GRIA1: variants seen among roughly 807,000 people sequenced by gnomAD.
GRIA1 encodes the protein glutamate ionotropic receptor AMPA type subunit 1, also known as glutamate receptor 1.
Under a neutral mutation model 99.2 loss-of-function variants are expected in GRIA1, and 31 were observed. That is an observed-to-expected ratio of 0.31 (90% confidence interval 0.23 to 0.42). The LOEUF (loss-of-function observed/expected upper bound fraction) is 0.42, where lower values mean the gene tolerates loss of function less well. Ranked by LOEUF, GRIA1 falls within the 10% of genes least tolerant of loss-of-function variation. The pLI, the probability that GRIA1 is intolerant of heterozygous loss-of-function variation, is 1.00. For missense variants in GRIA1, 782 were observed against 1,157.5 expected, an observed-to-expected ratio of 0.68 and a Z score of 4.71; for synonymous variants, 438 against 432.4, an observed-to-expected ratio of 1.01 and a Z score of -0.16.
At chr5:153,590,138 G>A (rs1474866351) in intron 2 of GRIA1, among the ~76,000 whole-genome samples, 1 of 152,158 alleles carries the variant, frequency 6.6e-6, no homozygotes, top group Non-Finnish European at 1.5e-5. Flanking sequence ...ACATTTTCAA[G>A]TATCATTATA....
intron 11 of GRIA1, among the ~76,000 whole-genome samples, chr5:153,733,549 A>G (rs1561811937): frequency 4.6e-5 from 7 of 152,202 alleles, no homozygotes; most frequent in Admixed American, 2.0e-4. Flanking sequence ...AAATTATCCA[A>G]TAAAAAGATA....
chr5:153,729,627 G>T (rs1760864567), intron 11 of GRIA1, among the ~76,000 whole-genome samples: 1 of 151,852 alleles, frequency 6.6e-6, no homozygotes, highest in Non-Finnish European at 1.5e-5. Context: ...GCAAAATTGG[G>T]TTACATTTCA....
chr5:153,580,682 A>ATAT (rs147025402), intron 2 of GRIA1, among the ~76,000 whole-genome samples: 1 of 152,292 alleles, frequency 6.6e-6, no homozygotes, highest in African/African-American at 2.4e-5. Flanking sequence ...CATCTCATTA[A>ATAT]TATTACACTC....
chr5:153,563,382 T>C (rs1761327553), intron 2 of GRIA1, among the ~76,000 whole-genome samples: 1 of 152,178 alleles, frequency 6.6e-6, no homozygotes, highest in Admixed American at 6.5e-5. Flanking sequence ...ACCAATTGTT[T>C]CGTTCTCTAA....
At chr5:153,678,346 G>T (rs751598233) in intron 7 of GRIA1, among the ~76,000 whole-genome samples, 1 of 152,202 alleles carries the variant, frequency 6.6e-6, no homozygotes, top group Non-Finnish European at 1.5e-5. Context: ...GCCCTGATGA[G>T]TGCCTTTCTG....
intron 5 of GRIA1, among the ~76,000 whole-genome samples, chr5:153,672,862 C>T (rs1436393062): frequency 2.0e-5 from 3 of 152,190 alleles, no homozygotes; most frequent in Admixed American, 6.5e-5. Context: ...AAGGGAATTG[C>T]CTGTATGATC....
chr5:153,760,953 G>A (rs1030036054), intron 11 of GRIA1, among the ~76,000 whole-genome samples: 1 of 152,084 alleles, frequency 6.6e-6, no homozygotes, highest in African/African-American at 2.4e-5. Context: ...TCAATAAATG[G>A]TGCTGGGAAA....
chr5:153,494,860 A>G (rs1343407812), intron 2 of GRIA1, among the ~76,000 whole-genome samples: 1 of 152,234 alleles, frequency 6.6e-6, no homozygotes, highest in East Asian at 1.9e-4. Flanking sequence ...AGCTCAAGTA[A>G]AAATTTATGG....
At chr5:153,644,253 A>G (rs1753975424) in intron 2 of GRIA1, among the ~76,000 whole-genome samples, 1 of 152,198 alleles carries the variant, frequency 6.6e-6, no homozygotes, top group Non-Finnish European at 1.5e-5. Flanking sequence ...TAGTTATTAT[A>G]ATAGACATTT....
intron 2 of GRIA1, among the ~76,000 whole-genome samples, chr5:153,645,253 A>G (rs10079274): frequency 1.3e-5 from 2 of 152,098 alleles, no homozygotes; most frequent in Non-Finnish European, 2.9e-5. Context: ...GTTAATGATC[A>G]CCTGCCAGGT....
intron 11 of GRIA1, among the ~76,000 whole-genome samples, chr5:153,720,012 A>AT (rs1404965477): frequency 6.6e-6 from 1 of 152,162 alleles, no homozygotes; most frequent in African/African-American, 2.4e-5. Flanking sequence ...GTGTTTATTA[A>AT]TTTTTTGTGT....
intron 11 of GRIA1, among the ~76,000 whole-genome samples, chr5:153,754,879 G>A (rs1040856180): frequency 2.6e-5 from 4 of 152,098 alleles, no homozygotes; most frequent in South Asian, 4.1e-4. Flanking sequence ...ATGGTGTAAG[G>A]GAAAAAAGAC....
At position 153,555,116 on chromosome 5, in the gene GRIA1, T is replaced by A. The variant is rs72800776; in HGVS notation, c.220+61051T>A. ...CAGCAGCCTGGAATTTATCATAATGTACATGTCACAGGAGGATATGAAATA... is the reference window on the plus strand; with the variant it reads ...CAGCAGCCTGGAATTTATCATAATGAACATGTCACAGGAGGATATGAAATA... On this transcript the variant is annotated intron_variant, in intron 2 of 15. Transcript: ENST00000285900. Among the ~76,000 whole-genome samples, 540 of 152,238 alleles carry A rather than the reference T, an allele frequency of 3.5e-3. 2 individuals carry two copies. Among genetic ancestry groups the A allele is most frequent in the Admixed American group, 5.4e-3 (83 of 15,286 alleles).
chr5:153,669,369 T>C (rs1430737731), intron 5 of GRIA1, among the ~76,000 whole-genome samples: 1 of 152,242 alleles, frequency 6.6e-6, no homozygotes, highest in East Asian at 1.9e-4. Flanking sequence ...TTTTTGTTCT[T>C]ATAAGCAATG....
At chr5:153,654,460 G>A (rs1754791866) in intron 4 of GRIA1, among the ~76,000 whole-genome samples, 1 of 152,010 alleles carries the variant, frequency 6.6e-6, no homozygotes, top group Non-Finnish European at 1.5e-5. Flanking sequence ...TCTTGATAAA[G>A]GTGTCTCATT....
intron 13 of GRIA1, among the ~76,000 whole-genome samples, chr5:153,771,652 A>G (rs1763891527): frequency 6.6e-6 from 1 of 152,242 alleles, no homozygotes; most frequent in Admixed American, 6.5e-5. Flanking sequence ...TAGCAGAACA[A>G]AATTCTCACT....
intron 2 of GRIA1, among the ~76,000 whole-genome samples, chr5:153,577,154 T>A (rs13156071): frequency 8.8e-4 from 105 of 119,912 alleles, no homozygotes; most frequent in South Asian, 1.5e-3. Context: ...GGATGGATGG[T>A]TGGATGGATG....
rs1766867772 is a variant in GRIA1 at position 153,812,266 on chromosome 5, C to T, written c.*1041C>T. On this transcript the variant is annotated 3_prime_UTR_variant, in exon 16 of 16. Transcript: ENST00000285900. The stretch of plus-strand genomic sequence containing the variant: ...CTCTCTTCTTCTATGGAGCCTCTGA[C>T]ATGGGGAGCAATGCTAAGCAAGCTA... 1 of 152,054 alleles carries T rather than the reference C, an allele frequency of 6.6e-6. No homozygotes were observed. The highest frequency in any genetic ancestry group is 2.4e-5 in the African/African-American group (1 of 41,390). The allele number at this position is 152,054 out of a possible 1,614,324, so 9.4% of individuals were successfully genotyped here.
intron 2 of GRIA1, among the ~76,000 whole-genome samples, chr5:153,561,182 C>T (rs1321336969): frequency 2.0e-5 from 3 of 152,188 alleles, no homozygotes; most frequent in Non-Finnish European, 4.4e-5. Context: ...CTTTTCTAGT[C>T]GGGGGTCATG....
Sources: gnomAD v4.1 joint callset for allele counts (sites outside exome capture counted in the v4.1 genomes callset) on GRCh38, gnomAD v4.1.1 for gene constraint, MANE v1.5 for transcripts, NCBI Gene and HGNC (gene_info 2026-07-23, HGNC 2026-07-21) for gene names.